Variants in PTPRG observed in about 807,000 individuals in gnomAD.
The protein encoded by PTPRG is protein tyrosine phosphatase receptor type G, also known as receptor-type tyrosine-protein phosphatase gamma.
Under a neutral mutation model 165.3 loss-of-function variants are expected in PTPRG, and 102 were observed. That is an observed-to-expected ratio of 0.62 (90% CI 0.53 to 0.73). The LOEUF is 0.73. PTPRG is among the 30% of genes least tolerant of loss of function. The pLI is 0.00. For missense variants in PTPRG, 1,866 were observed against 1,861.4 expected, an observed-to-expected ratio of 1.00 and a Z score of -0.05; for synonymous variants, 675 against 669.5, an observed-to-expected ratio of 1.01 and a Z score of -0.13.
intron 2 of PTPRG, among the ~76,000 whole-genome samples, chr3:61,920,776 A>C (rs970583290): frequency 1.3e-4 from 20 of 152,222 alleles, no homozygotes; most frequent in African/African-American, 4.8e-4. Context: ...GCCCCCTGAG[A>C]TACACATATT....
intron 7 of PTPRG, among the ~76,000 whole-genome samples, chr3:62,159,236 G>T (rs762386674): frequency 3.3e-5 from 5 of 151,956 alleles, no homozygotes; most frequent in Non-Finnish European, 7.4e-5. Flanking sequence ...GAGGCTGAGG[G>T]GGGAGGATCA....
At chr3:62,150,425 C>T (rs548299912) in intron 6 of PTPRG, among the ~76,000 whole-genome samples, 33 of 152,240 alleles carry the variant, frequency 2.2e-4, no homozygotes, top group Non-Finnish European at 4.0e-4. Flanking sequence ...ATTAAAAACG[C>T]AGAATCTCAG....
intron 2 of PTPRG, among the ~76,000 whole-genome samples, chr3:61,767,680 T>C (rs1413302787): frequency 6.6e-6 from 1 of 152,148 alleles, no homozygotes; most frequent in African/African-American, 2.4e-5. Flanking sequence ...ATGAATGTTT[T>C]ATATTTGGCT....
Position 62,219,633 on chromosome 3 carries a change from T to C in PTPRG, c.2288+650T>C, listed in dbSNP as rs1470196897. Among the ~76,000 whole-genome samples the C allele has an allele frequency of 2.0e-5, 3 of 152,252 alleles. No homozygotes were observed. Among genetic ancestry groups the C allele is most frequent in the Non-Finnish European group, 4.4e-5 (3 of 68,048 alleles). On this transcript the variant is annotated intron_variant, in intron 13 of 29. Transcript: ENST00000474889. The surrounding 1 kb of genome is among the most constrained non-coding windows in gnomAD (Gnocchi z 4.5). ...AGCAACTCCGTCAAGCCCACTCGTT[T>C]GGCCTGGGTGCCCTCACCTCTCAGA...
At chr3:61,984,355 G>T (rs2040707893) in intron 2 of PTPRG, among the ~76,000 whole-genome samples, 2 of 152,056 alleles carry the variant, frequency 1.3e-5, no homozygotes, top group Admixed American at 6.6e-5. Context: ...CCATGAACTT[G>T]ATTATTTTCT....
At chr3:61,701,104 C>A (rs2030929159) in intron 1 of PTPRG, among the ~76,000 whole-genome samples, 1 of 152,148 alleles carries the variant, frequency 6.6e-6, no homozygotes, top group Non-Finnish European at 1.5e-5. Flanking sequence ...CCCCTTTGTT[C>A]TGTTTAAGGC....
chr3:62,270,024 T>G (rs139567010), intron 20 of PTPRG, among the ~76,000 whole-genome samples: 142 of 152,310 alleles, frequency 9.3e-4, no homozygotes, highest in African/African-American at 3.1e-3. Context: ...TATATACTGT[T>G]TCTCTTAAAA....
chr3:61,864,363 C>T (rs868245075), intron 2 of PTPRG, among the ~76,000 whole-genome samples: 3 of 152,114 alleles, frequency 2.0e-5, no homozygotes, highest in South Asian at 2.1e-4. Context: ...TGATCTCTAA[C>T]GATGCCCATG....
chr3:61,758,984 A>G (rs1229093233), intron 2 of PTPRG, among the ~76,000 whole-genome samples: 1 of 152,174 alleles, frequency 6.6e-6, no homozygotes, highest in Non-Finnish European at 1.5e-5. Context: ...GTCCCTATGC[A>G]ATAGTCTTAT....
At chr3:61,699,207 A>G (rs1016990729) in intron 1 of PTPRG, among the ~76,000 whole-genome samples, 5 of 152,050 alleles carry the variant, frequency 3.3e-5, no homozygotes, top group African/African-American at 1.2e-4. Context: ...TTCAGATGAG[A>G]TCGGGCGCGT....
intron 1 of PTPRG, among the ~76,000 whole-genome samples, chr3:61,572,265 A>T (rs868632546): frequency 6.6e-6 from 1 of 152,236 alleles, no homozygotes; most frequent in Non-Finnish European, 1.5e-5. Context: ...TTTTTTAAAC[A>T]TGAAACCTTA....
chr3:62,221,722 G>T (rs964050797), intron 13 of PTPRG, among the ~76,000 whole-genome samples: 1 of 152,162 alleles, frequency 6.6e-6, no homozygotes, highest in African/African-American at 2.4e-5. Context: ...TGGCACCGGG[G>T]GGTTCAAACC....
rs58097355 is a variant in PTPRG at position 61,813,543 on chromosome 3, CTGTGTGTGTGTGTG to C, written c.190+64597_190+64610del. Among the ~76,000 whole-genome samples the C allele has an allele frequency of 9.2e-4, 108 of 116,916 alleles. 1 individual carries two copies. Among genetic ancestry groups the C allele is most frequent in the East Asian group, 4.8e-3 (19 of 3,968 alleles). The allele number at this position is 116,916 out of a possible 152,430, so 76.7% of individuals were successfully genotyped here. ...AAAAAAAAAAAAGAAAAAAGAAAAT[CTGTGTGTGTGTGTG>C]TGTGTGTGTGTGTGTGTGTGTGTGT... On this transcript the variant is annotated intron_variant, in intron 2 of 29. Coordinates refer to ENST00000474889, the MANE Select transcript of PTPRG (RefSeq NM_002841.4).
At position 62,281,552 on chromosome 3, in the gene PTPRG, G is replaced by GTTTGAAAAT; in HGVS notation, c.3766-11_3766-10insTTTGAAAAT. The GTTTGAAAAT allele has an allele frequency of 5.0e-6, 1 of 199,704 alleles. No individual in the cohort carries two copies. The highest frequency in any genetic ancestry group is 6.9e-6 in the Non-Finnish European group (1 of 145,198). The allele number at this position is 199,704 out of a possible 1,614,324, so 12.4% of individuals were successfully genotyped here. On this transcript the variant is annotated splice_polypyrimidine_tract_variant and intron_variant, in intron 26 of 29. Transcript: ENST00000474889. Reference sequence around the variant, plus strand: ...AACTGCAGAGGCTTTTTTTTTTTTTGGATTCCAAAGGCAGAAGATGAGTTT... The same window carrying GTTTGAAAAT: ...AACTGCAGAGGCTTTTTTTTTTTTTGTTTGAAAATGATTCCAAAGGCAGAAGATGAGTTT...
At chr3:61,732,571 T>C (rs2032548614) in intron 1 of PTPRG, among the ~76,000 whole-genome samples, 1 of 150,542 alleles carries the variant, frequency 6.6e-6, no homozygotes, top group Non-Finnish European at 1.5e-5. Flanking sequence ...TAGCCGCGCA[T>C]GATGGCGAGC....
chr3:61,861,249 C>G (rs2037262335), intron 2 of PTPRG, among the ~76,000 whole-genome samples: 1 of 152,102 alleles, frequency 6.6e-6, no homozygotes, highest in East Asian at 1.9e-4. Flanking sequence ...AAAGGGAGGT[C>G]GTTTGCTATG....
In PTPRG at chr3:61,989,720, G is replaced by T; in HGVS notation, c.286G>T (p.Gly96Trp). 6.2e-7 allele frequency: 1 copy of T among 1,614,148 alleles called. No homozygotes were observed. Among genetic ancestry groups the T allele is most frequent in the Non-Finnish European group, 8.5e-7 (1 of 1,180,022 alleles). ...IDILDQYARVGEEYQELQLDG... is the reference protein window; with the variant it reads ...IDILDQYARVWEEYQELQLDG... ...CATTTTAGACCAGTATGCGCGTGTT[G>T]GGGAAGAATACCAGGAACTGCAACT... Residue 96 changes from glycine (G) to tryptophan (W), a missense_variant, in exon 3 of 30, where the codon GGG (glycine) becomes TGG (tryptophan). By Grantham distance (184) the Gly-to-Trp change is radical. Coordinates refer to ENST00000474889, the MANE Select transcript of PTPRG (RefSeq NM_002841.4).
At chr3:62,035,477 C>A (rs1575918869) in intron 4 of PTPRG, among the ~76,000 whole-genome samples, 1 of 152,174 alleles carries the variant, frequency 6.6e-6, no homozygotes, top group Non-Finnish European at 1.5e-5. Context: ...AATTTGCCTT[C>A]ATTTTTCTCA....
chr3:61,888,328 T>TTTTTG (rs1401624559), intron 2 of PTPRG, among the ~76,000 whole-genome samples: 1 of 109,608 alleles, frequency 9.1e-6, no homozygotes, highest in African/African-American at 7.8e-5. Flanking sequence ...GGTTGTTTTT[T>TTTTTG]TTGTTTGTTT....
Sources: allele counts gnomAD v4.1 joint callset (sites outside exome capture counted in the v4.1 genomes callset), GRCh38; gene constraint gnomAD v4.1.1; non-coding constraint Gnocchi (gnomAD v3.1); transcripts MANE v1.5; gene names NCBI Gene and HGNC (gene_info 2026-07-23, HGNC 2026-07-21).